Variants in B4GALT6 observed in about 807,000 individuals in gnomAD.
B4GALT6 encodes the protein beta-1,4-galactosyltransferase 6, also known as UDP-Gal:beta-GlcNAc beta-1,4-galactosyltransferase 6.
A neutral mutation model predicts 46.3 loss-of-function variants in B4GALT6; 14 were observed. The ratio of observed to expected loss-of-function variants is 0.30; its 90% CI spans 0.20 to 0.47. The LOEUF (loss-of-function observed/expected upper bound fraction) is 0.47. Ranked by LOEUF, B4GALT6 falls within the 20% of genes least tolerant of loss-of-function variation. B4GALT6 has a pLI of 0.99. For missense variants in B4GALT6, 386 were observed against 480.1 expected (o/e 0.80, Z 1.83); for synonymous variants, 168 against 162.0 (o/e 1.04, Z -0.28).
the B4GALT6 span, among the ~76,000 whole-genome samples, chr18:31,706,593 T>C: frequency 6.6e-6 from 1 of 152,022 alleles, no homozygotes; most frequent in African/African-American, 2.4e-5. Flanking sequence ...ATGGCGCCAC[T>C]GCACTCCTCC....
chr18:31,628,700 C>T (rs2073734728), intron 6 of B4GALT6, among the ~76,000 whole-genome samples: 1 of 152,138 alleles, frequency 6.6e-6, no homozygotes, highest in Admixed American at 6.5e-5. Context: ...GGCTTCATCC[C>T]ACAGCTGAAG....
At chr18:31,668,437 C>T (rs964251984) in intron 1 of B4GALT6, among the ~76,000 whole-genome samples, 2 of 152,080 alleles carry the variant, frequency 1.3e-5, no homozygotes, top group African/African-American at 2.4e-5. Flanking sequence ...AACAAAGTTG[C>T]ACATGTATGC....
At chr18:31,634,207 A>G (rs184687732) in intron 5 of B4GALT6, among the ~76,000 whole-genome samples, 5 of 152,290 alleles carry the variant, frequency 3.3e-5, no homozygotes, top group Admixed American at 2.6e-4. Context: ...CCCCGGTTTT[A>G]TGCCCTACCA....
chr18:31,709,429 T>C, the B4GALT6 span, among the ~76,000 whole-genome samples: 1 of 121,956 alleles, frequency 8.2e-6, no homozygotes, highest in Non-Finnish European at 1.6e-5. Flanking sequence ...ATTCTGCAAT[T>C]CATACATATA....
chr18:31,627,176 G>A (rs535446741), intron 6 of B4GALT6, 55 bp from the exon 7 acceptor site: 3 of 1,514,820 alleles, frequency 2.0e-6, no homozygotes, highest in East Asian at 4.6e-5. Context: ...TTTCCCATGT[G>A]AAATGAAGGT....
In B4GALT6 at chr18:31,658,082, G is replaced by A. The variant is rs76171871; in HGVS notation, c.240C>T (p.Pro80=). ...KNSTLNGTDY[P]EGNNSSDYLV... Reference sequence around the variant, plus strand: ...GATAATCACTTGAATTATTGCCTTCGGGATAATCTTGGAAAGAGAGAAAAG... The same window carrying A: ...GATAATCACTTGAATTATTGCCTTCAGGATAATCTTGGAAAGAGAGAAAAG... Residue 80 remains proline, a synonymous_variant, in exon 3 of 9, where the codon CCC becomes CCT. Transcript: ENST00000306851. The A allele has an allele frequency of 1.9e-4, 304 of 1,607,742 alleles. No homozygotes were observed. In the African/African-American group the frequency reaches 3.2e-3, roughly 17 times the overall value.
the B4GALT6 span, among the ~76,000 whole-genome samples, chr18:31,691,605 A>C: frequency 6.6e-6 from 1 of 152,058 alleles, no homozygotes; most frequent in African/African-American, 2.4e-5. Flanking sequence ...ACCATTTTCT[A>C]TTCATTTATT....
intron 1 of B4GALT6, among the ~76,000 whole-genome samples, chr18:31,674,211 A>C (rs1598927086): frequency 6.6e-6 from 1 of 152,336 alleles, no homozygotes; most frequent in East Asian, 1.9e-4. Context: ...ATGAGAAAAC[A>C]AACTCAAAAG....
At chr18:31,660,080 C>T (rs539435269) in intron 2 of B4GALT6, among the ~76,000 whole-genome samples, 2 of 150,260 alleles carry the variant, frequency 1.3e-5, no homozygotes, top group South Asian at 2.1e-4. Context: ...AGCCTCCCAA[C>T]TATTAATAGC....
At chr18:31,692,516 A>G in the B4GALT6 span, among the ~76,000 whole-genome samples, 1 of 151,322 alleles carries the variant, frequency 6.6e-6, no homozygotes, top group African/African-American at 2.4e-5. Context: ...AGAGGCTAGG[A>G]AGCATTTGAT....
the B4GALT6 span, among the ~76,000 whole-genome samples, chr18:31,721,880 CTG>C: frequency 9.3e-4 from 139 of 150,270 alleles, no homozygotes; most frequent in South Asian, 1.5e-3. Context: ...CTCTCTCTCT[CTG>C]TGTGTGTATG....
chr18:31,655,607 T>C (rs192457410), intron 3 of B4GALT6, among the ~76,000 whole-genome samples: 2 of 152,150 alleles, frequency 1.3e-5, no homozygotes, highest in Admixed American at 1.3e-4. Flanking sequence ...TGCTTTGAAA[T>C]AGAGTTTAAT....
chr18:31,659,367 A>G (rs957080919), intron 2 of B4GALT6, among the ~76,000 whole-genome samples: 1 of 152,114 alleles, frequency 6.6e-6, no homozygotes, highest in Non-Finnish European at 1.5e-5. Flanking sequence ...CATTGTCACA[A>G]TGGAGTTGGT....
the B4GALT6 span, among the ~76,000 whole-genome samples, chr18:31,698,624 C>CT: frequency 6.7e-6 from 1 of 149,206 alleles, no homozygotes; most frequent in Non-Finnish European, 1.5e-5. Flanking sequence ...AAGCAAGACT[C>CT]TATCTCAAAA....
chr18:31,693,350 A>C, the B4GALT6 span, among the ~76,000 whole-genome samples: 4 of 152,220 alleles, frequency 2.6e-5, no homozygotes, highest in African/African-American at 9.6e-5. Flanking sequence ...CACTCAGTGC[A>C]TGGAGAAAAG....
chr18:31,687,644 C>A (rs1222071504), upstream of B4GALT6, among the ~76,000 whole-genome samples: 3 of 152,166 alleles, frequency 2.0e-5, no homozygotes, highest in Non-Finnish European at 4.4e-5. Context: ...ACATAACTTA[C>A]AACAGTAAGA....
At chr18:31,690,018 C>T (rs557641733), upstream of B4GALT6, among the ~76,000 whole-genome samples, 8 of 152,208 alleles carry the variant, frequency 5.3e-5, no homozygotes, top group Admixed American at 2.6e-4. Context: ...CTTGTGGACA[C>T]GTGCATCTTT....
At chr18:31,628,905 T>C (rs1448870532) in intron 6 of B4GALT6, among the ~76,000 whole-genome samples, 1 of 152,198 alleles carries the variant, frequency 6.6e-6, no homozygotes, top group Non-Finnish European at 1.5e-5. Context: ...TCAATAAAAG[T>C]TACATAGAAT....
chr18:31,658,394 C>A (rs2595372), intron 2 of B4GALT6: 183,681 of 226,272 alleles, frequency 0.81, 74,856 homozygotes, highest in African/African-American at 0.9. Flanking sequence ...GCCCGATCTA[C>A]AGGGAGTGTG....
Sources: allele counts gnomAD v4.1 joint callset (sites outside exome capture counted in the v4.1 genomes callset), GRCh38; gene constraint gnomAD v4.1.1; transcripts MANE v1.5; gene names NCBI Gene and HGNC (gene_info 2026-07-23, HGNC 2026-07-21).